The following WDR37 variants were observed in gnomAD, a reference collection of about 807,000 sequenced individuals.
WDR37 encodes WD repeat-containing protein 37.
Under a neutral mutation model 62.9 loss-of-function variants are expected in WDR37, and 19 were observed. The ratio of observed to expected loss-of-function variants is 0.30; its 90% confidence interval spans 0.21 to 0.44. The LOEUF (loss-of-function observed/expected upper bound fraction) is 0.44, where lower values mean the gene tolerates loss of function less well. Ranked by LOEUF, WDR37 falls within the 20% of genes least tolerant of loss-of-function variation. WDR37 has a pLI of 1.00. For synonymous variants in WDR37, 250 were observed against 260.9 expected, an observed-to-expected ratio of 0.96 and a Z score of 0.40; for missense variants, 474 against 657.6, an observed-to-expected ratio of 0.72 and a Z score of 3.05.
intron 1 of WDR37, among the ~76,000 whole-genome samples, chr10:1,067,918 G>A (rs1032281881): frequency 3.9e-5 from 6 of 152,104 alleles, no homozygotes; most frequent in Non-Finnish European, 7.4e-5. Flanking sequence ...TATGCCATTC[G>A]CAGCAACATG....
chr10:1,103,936 G>A lies in WDR37; in HGVS notation c.961+100G>A. ...GCCACTTACTTCTTGACCAGAATGAGTCTCTGTGTTCTTGGCTCTTCTGTG... is the reference window on the plus strand; with the variant it reads ...GCCACTTACTTCTTGACCAGAATGAATCTCTGTGTTCTTGGCTCTTCTGTG... On this transcript the variant is annotated intron_variant, in intron 10 of 13. Transcript: ENST00000263150. This position sits in a 1 kb window ranked among gnomAD's most constrained non-coding sequence, Gnocchi z 6.3. 1 of 1,197,758 alleles carries A rather than the reference G, an allele frequency of 8.3e-7. No individual in the cohort carries two copies. The highest frequency in any genetic ancestry group is 1.2e-6 in the Non-Finnish European group (1 of 846,476). 74.2% of individuals were successfully genotyped at this position (1,197,758 alleles called of 1,614,324 possible). A position where few individuals can be genotyped will look rare whatever the true frequency, so the allele number is the denominator to read the frequency against.
At chr10:1,119,654 C>T (rs1242695843) in intron 11 of WDR37, among the ~76,000 whole-genome samples, 1 of 152,190 alleles carries the variant, frequency 6.6e-6, no homozygotes, top group Non-Finnish European at 1.5e-5. Context: ...GCGCCTAACA[C>T]TGCTGACCTT....
rs1310635465 is a variant in WDR37 at position 1,078,707 on chromosome 10, G to A, written c.235+704G>A. ...TAAAATTTATATATATAAAGACAGG[G>A]TCTCACTGTGTTGCCCAGGCTGGTC... On this transcript the variant is annotated intron_variant, in intron 3 of 13. Transcript: ENST00000263150. Among the ~76,000 whole-genome samples the A allele has an allele frequency of 2.0e-5, 3 of 152,162 alleles. No homozygotes were observed. The East Asian group carries it at 5.8e-4, about 29-fold the overall frequency.
In WDR37 at chr10:1,097,591, G is replaced by A. The variant is rs74617243; in HGVS notation, c.726+1345G>A. 2.4e-3 allele frequency among the ~76,000 whole-genome samples: 359 copies of A among 152,322 alleles called. 3 individuals are homozygous for A. The highest frequency in any genetic ancestry group is 8.3e-3 in the African/African-American group (346 of 41,572). ...GGTTTCGAAGTGTGGGAGCCTCCTT[G>A]GTTTCAGGGCCAGGTTGCCCATGGT... On this transcript the variant is annotated intron_variant, in intron 9 of 13. Transcript: ENST00000263150.
In WDR37 at chr10:1,124,999, C is replaced by T. The variant is rs574825847; in HGVS notation, c.1328C>T (p.Ala443Val). Residue 443 changes from alanine to valine, a missense_variant, in exon 13 of 14, where the codon GCG becomes GTG. Ala to Val is a moderately conservative substitution (Grantham distance 64). Coordinates refer to ENST00000263150, the MANE Select transcript of WDR37 (RefSeq NM_014023.4). ...RLFDMSGVRL[A>V]RLPRSSRQGH... ...TTTGATATGTCAGGAGTGCGCCTGG[C>T]GCGGCTTCCCCGGAGCAGCCGACAG... The T allele has an allele frequency of 2.5e-5, 41 of 1,614,186 alleles. No homozygotes were observed. The highest frequency in any genetic ancestry group is 5.3e-5 in the African/African-American group (4 of 75,048).
In WDR37 at chr10:1,116,694, G is replaced by A. The variant is rs113208408; in HGVS notation, c.1104-7524G>A. Among the ~76,000 whole-genome samples the A allele has an allele frequency of 5.8e-3, 885 of 152,346 alleles. 9 individuals are homozygous for A. Among genetic ancestry groups the A allele is most frequent in the African/African-American group, 0.02 (822 of 41,578 alleles). Reference sequence around the variant, plus strand: ...TTCGGAGCTTTGCTGGTTGGCCTGAGTATGGTGCAGATTCCAGAGAACTGT... The same window carrying A: ...TTCGGAGCTTTGCTGGTTGGCCTGAATATGGTGCAGATTCCAGAGAACTGT... On this transcript the variant is annotated intron_variant, in intron 11 of 13. Coordinates refer to ENST00000263150, the MANE Select transcript of WDR37 (RefSeq NM_014023.4).
At chr10:1,081,668 A>G (rs1346917517) in intron 5 of WDR37, among the ~76,000 whole-genome samples, 2 of 152,224 alleles carry the variant, frequency 1.3e-5, no homozygotes, top group Non-Finnish European at 2.9e-5. Flanking sequence ...TGGCCATGTA[A>G]TGTCTAGCTT....
chr10:1,058,921 A>ATAATGTC (rs931090640), intron 1 of WDR37, among the ~76,000 whole-genome samples: 1 of 152,266 alleles, frequency 6.6e-6, no homozygotes, highest in Admixed American at 6.5e-5. Context: ...CCACATGGAC[A>ATAATGTC]TTATATTCCT....
At chr10:1,098,326 GTTTTTTTTTT>G (rs34462108) in intron 9 of WDR37, among the ~76,000 whole-genome samples, 6 of 120,298 alleles carry the variant, frequency 5.0e-5, no homozygotes, top group Non-Finnish European at 1.0e-4. Context: ...CCATCTGTCC[GTTTTTTTTTT>G]TTTTTTTTTG....
chr10:1,110,984 A>G (rs2131673223), intron 11 of WDR37, among the ~76,000 whole-genome samples: 1 of 151,840 alleles, frequency 6.6e-6, no homozygotes, highest in Admixed American at 6.6e-5. Flanking sequence ...TTTCCTGAGC[A>G]TTGAAAGCAA....
At chr10:1,117,065 A>AT (rs1275856081) in intron 11 of WDR37, among the ~76,000 whole-genome samples, 2 of 152,038 alleles carry the variant, frequency 1.3e-5, no homozygotes, top group African/African-American at 2.4e-5. Flanking sequence ...TTATTGGTTT[A>AT]TTTTTTTGAG....
intron 11 of WDR37, among the ~76,000 whole-genome samples, chr10:1,114,118 G>A (rs1835309715): frequency 6.6e-6 from 1 of 151,884 alleles, no homozygotes; most frequent in Admixed American, 6.6e-5. Flanking sequence ...CACCATGCCT[G>A]GCTAATTTTT....
chr10:1,070,662 C>G (rs546690719), intron 1 of WDR37, among the ~76,000 whole-genome samples: 1 of 152,118 alleles, frequency 6.6e-6, no homozygotes, highest in African/African-American at 2.4e-5. Context: ...GCTTAATAAA[C>G]TGAATAGGAA....
intron 1 of WDR37, among the ~76,000 whole-genome samples, chr10:1,069,389 A>ATTTTTTTTTTTTTTTTTTTTTTTT (rs377212232): frequency 6.3e-5 from 6 of 95,806 alleles, no homozygotes; most frequent in Non-Finnish European, 7.6e-5. Context: ...ATATATATAT[A>ATTTTTTTTTTTTTTTTTTTTTTTT]TTTTTTTTTT....
At chr10:1,114,936 A>G (rs1835341039) in intron 11 of WDR37, among the ~76,000 whole-genome samples, 1 of 151,688 alleles carries the variant, frequency 6.6e-6, no homozygotes, top group Non-Finnish European at 1.5e-5. Context: ...CTGTCATGAC[A>G]TTTGCCTGTT....
At chr10:1,080,530 G>A in intron 5 of WDR37, 54 bp downstream of exon 5, 3 of 1,575,974 alleles carry the variant, frequency 1.9e-6, no homozygotes, top group Non-Finnish European at 2.6e-6. Context: ...GTGTGCAGAT[G>A]TGTACTTTAA....
chr10:1,106,717 A>T lies in WDR37; in HGVS notation c.1103+1450A>T, dbSNP rs1273911657. Among the ~76,000 whole-genome samples, 3 of 152,190 alleles carry T rather than the reference A, an allele frequency of 2.0e-5. No homozygotes were observed. The East Asian group carries it at 5.8e-4, about 29-fold the overall frequency. ...TTTTTAGTAGAGGTGGGGTTTCACC[A>T]TGTTGGTTGGGCTGGTCTTGAACTC... On this transcript the variant is annotated intron_variant, in intron 11 of 13. Coordinates refer to ENST00000263150, the MANE Select transcript of WDR37 (RefSeq NM_014023.4).
intron 7 of WDR37, among the ~76,000 whole-genome samples, chr10:1,092,189 A>G (rs1358420543): frequency 6.8e-6 from 1 of 146,108 alleles, no homozygotes; most frequent in Non-Finnish European, 1.5e-5. Context: ...CAAAAAAAAA[A>G]AAAAAAAAAG....
rs537330797 is a variant in WDR37 at position 1,087,944 on chromosome 10, A to G, written c.604+1587A>G. ...TTGTTTAGAGTAACCATCTTCACCA[A>G]TGAGCTCAGCTGGATCTTCTGGAGA... On this transcript the variant is annotated intron_variant, in intron 7 of 13. Coordinates refer to ENST00000263150, the MANE Select transcript of WDR37 (RefSeq NM_014023.4). Among the ~76,000 whole-genome samples, 17 of 152,340 alleles carry G rather than the reference A, an allele frequency of 1.1e-4. No individual in the cohort carries two copies. In the East Asian group the frequency reaches 3.3e-3, roughly 29 times the overall value.
Sources: allele counts gnomAD v4.1 joint callset (sites outside exome capture counted in the v4.1 genomes callset), GRCh38; gene constraint gnomAD v4.1.1; non-coding constraint Gnocchi (gnomAD v3.1); transcripts MANE v1.5; gene names NCBI Gene and HGNC (gene_info 2026-07-23, HGNC 2026-07-21).